The following NID2 variants were observed in gnomAD, a reference collection of about 807,000 sequenced individuals.
NID2 encodes the protein nidogen-2.
A neutral mutation model predicts 145.4 loss-of-function variants in NID2; 83 were observed. The observed-to-expected ratio is 0.57, with a 90% confidence interval of 0.48 to 0.69. The LOEUF is 0.69. Among genes scored for constraint, NID2 ranks in the 30% least tolerant of loss-of-function variants. NID2 has a pLI of 0.00. For synonymous variants in NID2, 739 were observed against 701.3 expected, an observed-to-expected ratio of 1.05 and a Z score of -0.85; for missense variants, 1,807 against 1,765.7, an observed-to-expected ratio of 1.02 and a Z score of -0.42.
At chr14:52,051,452 C>T (rs951971702) in intron 5 of NID2, among the ~76,000 whole-genome samples, 3 of 152,178 alleles carry the variant, frequency 2.0e-5, no homozygotes, top group Non-Finnish European at 4.4e-5. Flanking sequence ...AGGTCAAGTC[C>T]AACCAGCACC....
chr14:52,011,194 G>A (rs1158463337), intron 17 of NID2, 147 bp from the exon 18 acceptor site: 8 of 702,378 alleles, frequency 1.1e-5, no homozygotes, highest in Non-Finnish European at 1.4e-5. Context: ...GGTTAATAGA[G>A]AAACAAGTAC....
At chr14:52,006,708 AAATGATAGTGACAT>A (rs1319640244) in intron 19 of NID2, 48 bp from the exon 20 acceptor site, 1 of 1,605,400 alleles carries the variant, frequency 6.2e-7, no homozygotes, top group Non-Finnish European at 8.5e-7. Flanking sequence ...GCTTTGCCAA[AAATGATAGTGACAT>A]AGTGATAGTG....
chr14:52,017,096 T>C (rs74049333), intron 14 of NID2, among the ~76,000 whole-genome samples: 15,376 of 152,144 alleles, frequency 0.1, 815 homozygotes, highest in Non-Finnish European at 0.11. Flanking sequence ...CTGCAGGATT[T>C]CCTGGAGAAG....
chr14:52,013,762 A>G (rs1356886737), intron 16 of NID2, among the ~76,000 whole-genome samples: 2 of 152,246 alleles, frequency 1.3e-5, no homozygotes, highest in East Asian at 3.9e-4. Context: ...GTTTTCATCT[A>G]TGGAGTCAGG....
intron 12 of NID2, among the ~76,000 whole-genome samples, chr14:52,026,379 C>G (rs1234050985): frequency 6.6e-6 from 1 of 152,154 alleles, no homozygotes; most frequent in Admixed American, 6.5e-5. Context: ...GTTCATGTTC[C>G]CCAGCAGGCC....
At chr14:52,039,906 G>A (rs1394489819) in intron 8 of NID2, among the ~76,000 whole-genome samples, 2 of 152,176 alleles carry the variant, frequency 1.3e-5, no homozygotes, top group African/African-American at 2.4e-5. Flanking sequence ...TCCAAATCTA[G>A]CATTAGTTTT....
At chr14:52,062,742 G>C (rs995294016) in intron 2 of NID2, among the ~76,000 whole-genome samples, 3 of 152,158 alleles carry the variant, frequency 2.0e-5, no homozygotes, top group African/African-American at 7.2e-5. Flanking sequence ...GGGGGGAAGA[G>C]AGTAGTAAAC....
chr14:52,013,132 C>T (rs1891093244), intron 16 of NID2, among the ~76,000 whole-genome samples: 1 of 152,184 alleles, frequency 6.6e-6, no homozygotes, highest in Non-Finnish European at 1.5e-5. Flanking sequence ...CATGTCATAA[C>T]CTCAGGTTAG....
At chr14:52,019,963 T>C (rs1891342388) in intron 13 of NID2, 96 bp downstream of exon 13, 2 of 1,513,788 alleles carry the variant, frequency 1.3e-6, no homozygotes, top group Non-Finnish European at 1.8e-6. Flanking sequence ...CCACCAAGGC[T>C]CCAGACCAGG....
intron 3 of NID2, among the ~76,000 whole-genome samples, chr14:52,055,930 C>CCTGTGTGTGT (rs1555365952): frequency 6.7e-6 from 1 of 148,752 alleles, no homozygotes; most frequent in Non-Finnish European, 1.5e-5. Flanking sequence ...ATGTCTTTCT[C>CCTGTGTGTGT]TTGTGTGTGT....
chr14:52,067,052 T>C (rs2749888), intron 2 of NID2, among the ~76,000 whole-genome samples: 143,971 of 152,250 alleles, frequency 0.95, 68,520 homozygotes, highest in East Asian at 1. Flanking sequence ...AAGAACTTTA[T>C]CAAAAGTGCA....
Position 52,053,715 on chromosome 14 carries a change from C to T in NID2, c.1293G>A (p.Ser431=), listed in dbSNP as rs148539254. Residue 431 remains serine (S), a synonymous_variant, in exon 5 of 22, where the codon TCG becomes TCA. Coordinates refer to ENST00000216286, the MANE Select transcript of NID2 (RefSeq NM_007361.4). ...GATGAGCTGGGGGAACATCCATTTC[C>T]GAAGGCACTGGCCCTCCATCTGGGT... ...QPYPDGGPVP[S]EMDVPPAHPE... 2.0e-4 allele frequency: 327 copies of T among 1,614,200 alleles called. 1 individual carries two copies. The East Asian group carries it at 3.3e-3, about 16-fold the overall frequency.
rs751186243 is a variant in NID2, at chr14:52,042,199, G to T, written c.1731C>A (p.Ala577=). 1.2e-6 allele frequency: 2 copies of T among 1,614,120 alleles called. No homozygotes were observed. The highest frequency in any genetic ancestry group is 2.7e-5 in the African/African-American group (2 of 74,938). The change falls in exon 7 of 22, where the codon GCC becomes GCA. Residue 577 remains alanine (A), a synonymous_variant. Coordinates refer to ENST00000216286, the MANE Select transcript of NID2 (RefSeq NM_007361.4). ...TTGGTGTGAGGGGGAGGAGGGCCTG[G>T]GCTGCTGGCTGTGGGATGTGGCTGA... ...TAISHIPQPA[A]QALLPLTPIG...
At chr14:52,042,669 T>C (rs772880984) in intron 6 of NID2, 113 bp downstream of exon 6, 7 of 1,115,202 alleles carry the variant, frequency 6.3e-6, no homozygotes, top group Non-Finnish European at 9.1e-6. Flanking sequence ...TTGATAGCAC[T>C]CTGATTTAAG....
At chr14:52,011,316 T>C (rs894349834) in intron 17 of NID2, among the ~76,000 whole-genome samples, 1 of 152,236 alleles carries the variant, frequency 6.6e-6, no homozygotes, top group African/African-American at 2.4e-5. Flanking sequence ...GGCGTCACCC[T>C]GAATTCTTAC....
chr14:52,006,781 A>ATAGAT (rs1890802279), intron 19 of NID2, 121 bp from the exon 20 acceptor site: 2 of 1,059,170 alleles, frequency 1.9e-6, no homozygotes, highest in African/African-American at 1.6e-5. Flanking sequence ...CATTACAGTC[A>ATAGAT]TAGATTAGCA....
Position 52,015,118 on chromosome 14 carries a change from C to G in NID2, c.3186G>C (p.Trp1062Cys). The G allele has an allele frequency of 6.2e-7, 1 of 1,614,102 alleles. No homozygotes were observed. Among genetic ancestry groups the G allele is most frequent in the Non-Finnish European group, 8.5e-7 (1 of 1,180,020 alleles). Reference protein sequence around the residue: ...LQCHGKSDFCWCVDKDGREVQ... With the variant: ...LQCHGKSDFCCCVDKDGREVQ... ...CCTCTCTGCCATCTTTGTCCACACA[C>G]CAGCAGAAGTCGCTCTTTCCGTGGC... The change falls in exon 15 of 22, where the codon TGG becomes TGC. Residue 1062 changes from tryptophan (W) to cysteine (C), a missense_variant. Transcript: ENST00000216286.
chr14:52,068,239 G>A (rs189470482), intron 1 of NID2, 76 bp from the exon 2 acceptor site: 10 of 1,418,382 alleles, frequency 7.1e-6, no homozygotes, highest in African/African-American at 5.6e-5. Flanking sequence ...GGGAGGGAAG[G>A]GAACTGACTT....
intron 2 of NID2, among the ~76,000 whole-genome samples, chr14:52,066,793 T>C (rs1893231120): frequency 6.6e-6 from 1 of 152,188 alleles, no homozygotes; most frequent in African/African-American, 2.4e-5. Context: ...TATTTTAGAT[T>C]CAGGTCTAAT....
Sources: gnomAD v4.1 joint callset for allele counts (sites outside exome capture counted in the v4.1 genomes callset) on GRCh38, gnomAD v4.1.1 for gene constraint, MANE v1.5 for transcripts, NCBI Gene and HGNC (gene_info 2026-07-23, HGNC 2026-07-21) for gene names.